CDH23: variants seen among roughly 807,000 people sequenced by gnomAD.
The protein encoded by CDH23 is cadherin-23.
Under a neutral mutation model 317.1 loss-of-function variants are expected in CDH23, and 189 were observed. The observed-to-expected ratio is 0.60, with a 90% confidence interval of 0.53 to 0.67. The LOEUF is 0.67. Among genes scored for constraint, CDH23 ranks in the 30% least tolerant of loss-of-function variants. CDH23 has a pLI of 0.00. For synonymous variants in CDH23, 1,839 were observed against 1,876.8 expected (o/e 0.98, Z 0.52); for missense variants, 4,401 against 4,592.4 (o/e 0.96, Z 1.20).
At chr10:71,550,897 T>A (rs1348460080) in intron 6 of CDH23, among the ~76,000 whole-genome samples, 1 of 152,098 alleles carries the variant, frequency 6.6e-6, no homozygotes, top group Admixed American at 6.6e-5. Flanking sequence ...TGTAGAAAAG[T>A]CTGGAAGATG....
intron 7 of CDH23, among the ~76,000 whole-genome samples, chr10:71,570,009 C>T (rs759815176): frequency 4.6e-5 from 7 of 152,046 alleles, no homozygotes; most frequent in Admixed American, 2.6e-4. Context: ...CAAGTGATTG[C>T]CCCACCTCAG....
At chr10:71,799,927 T>C (rs567690388) in intron 52 of CDH23, among the ~76,000 whole-genome samples, 214 of 152,272 alleles carry the variant, frequency 1.4e-3, no homozygotes, top group Non-Finnish European at 1.6e-3. Context: ...ATGATTGAAG[T>C]CCATGGGGCT....
intron 38 of CDH23, among the ~76,000 whole-genome samples, chr10:71,757,205 A>G (rs758173229): frequency 2.0e-5 from 3 of 152,262 alleles, no homozygotes; most frequent in Non-Finnish European, 4.4e-5. Flanking sequence ...CTGGACGGCT[A>G]GTAAGCAACA....
intron 6 of CDH23, among the ~76,000 whole-genome samples, chr10:71,549,802 T>G (rs1856482192): frequency 6.6e-6 from 1 of 152,212 alleles, no homozygotes. Flanking sequence ...CGGTCTTGAC[T>G]GCAACTTCAA....
intron 31 of CDH23, among the ~76,000 whole-genome samples, chr10:71,731,429 G>A (rs1196042461): frequency 3.3e-5 from 5 of 152,192 alleles, no homozygotes; most frequent in African/African-American, 4.8e-5. Context: ...GGGCACATAC[G>A]CGGCTGTGGC....
chr10:71,639,467 G>A (rs891931472), intron 11 of CDH23, among the ~76,000 whole-genome samples: 5 of 152,188 alleles, frequency 3.3e-5, no homozygotes, highest in Admixed American at 1.3e-4. Flanking sequence ...CTTCTGCCAC[G>A]TGTGGCACAG....
intron 35 of CDH23, 25 bp downstream of exon 35, chr10:71,738,672 G>A (rs1839640084): frequency 3.1e-6 from 5 of 1,608,704 alleles, no homozygotes; most frequent in Non-Finnish European, 4.2e-6. Context: ...GAAACAGCCA[G>A]GATCCACCAT....
At chr10:71,592,857 G>T (rs1859586663) in intron 9 of CDH23, among the ~76,000 whole-genome samples, 2 of 152,114 alleles carry the variant, frequency 1.3e-5, no homozygotes, top group South Asian at 4.1e-4. Context: ...GTCTCACCTG[G>T]GCCATGATGT....
chr10:71,617,419 GCAGACCCACCACCCATC>G (rs746858677), intron 11 of CDH23, 26 bp downstream of exon 11: 7 of 1,608,876 alleles, frequency 4.4e-6, no homozygotes, highest in Admixed American at 1.7e-5. Flanking sequence ...CATGGCCCAT[GCAGACCCACCACCCATC>G]CAGACCCACC....
chr10:71,543,028 G>T (rs1420451126), intron 6 of CDH23, among the ~76,000 whole-genome samples: 3 of 152,260 alleles, frequency 2.0e-5, no homozygotes, highest in African/African-American at 7.2e-5. Flanking sequence ...GGCCAGCGTT[G>T]CAGTGCTCTA....
At position 71,797,199 on chromosome 10, in the gene CDH23, C is replaced by T. The variant is rs755800639; in HGVS notation, c.6808C>T (p.Arg2270Cys). ...TGACAATGCCAGCGACCTACCAGAG[C>T]GCTCTGTCAGTGTGCCAAATGGTAA... ...VIDNASDLPE[R>C]SVSVPNAKLT... Residue 2270 changes from arginine to cysteine, a missense_variant, in exon 49 of 70, where the codon CGC becomes TGC. Around this residue, in one of 3 missense-constraint regions of CDH23, gnomAD observed 3,068 missense variants for 3,203.3 expected, o/e 0.96. Coordinates refer to ENST00000224721, the MANE Select transcript of CDH23 (RefSeq NM_022124.6). 1.9e-5 allele frequency: 31 copies of T among 1,612,452 alleles called. No homozygotes were observed. The highest frequency in any genetic ancestry group is 4.4e-5 in the South Asian group (4 of 90,778).
intron 14 of CDH23, among the ~76,000 whole-genome samples, chr10:71,665,551 G>T (rs1467780067): frequency 6.6e-6 from 1 of 152,238 alleles, no homozygotes; most frequent in Non-Finnish European, 1.5e-5. Context: ...AAGGGTGTGA[G>T]GCTGCAGCCG....
At chr10:71,547,558 T>C (rs910699919) in intron 6 of CDH23, among the ~76,000 whole-genome samples, 1 of 152,154 alleles carries the variant, frequency 6.6e-6, no homozygotes, top group Non-Finnish European at 1.5e-5. Context: ...CGCCCAGATA[T>C]GTATTTCAGG....
At chr10:71,428,537 G>C (rs936423964) in intron 1 of CDH23, among the ~76,000 whole-genome samples, 1 of 151,820 alleles carries the variant, frequency 6.6e-6, no homozygotes, top group Non-Finnish European at 1.5e-5. Context: ...GCTCCCTAAT[G>C]GTAGTGATGG....
intron 8 of CDH23, among the ~76,000 whole-genome samples, chr10:71,574,915 T>C (rs1278639663): frequency 6.6e-6 from 1 of 151,914 alleles, no homozygotes; most frequent in Admixed American, 6.6e-5. Context: ...CACCCCACAC[T>C]GCCCTCCATT....
At chr10:71,465,725 C>A (rs772943627) in intron 3 of CDH23, among the ~76,000 whole-genome samples, 4 of 152,198 alleles carry the variant, frequency 2.6e-5, no homozygotes, top group Non-Finnish European at 5.9e-5. Context: ...AAAAACAACC[C>A]TGTGATTGGA....
chr10:71,808,508 G>A (rs1317779861), intron 60 of CDH23, among the ~76,000 whole-genome samples: 1 of 152,126 alleles, frequency 6.6e-6, no homozygotes, highest in East Asian at 1.9e-4. Flanking sequence ...GTTAGGACTG[G>A]GGCACCAGGA....
Position 71,724,030 on chromosome 10 carries a change from C to T in CDH23, c.3370-15C>T, listed in dbSNP as rs1304889620. The T allele has an allele frequency of 3.0e-5, 46 of 1,554,878 alleles. No homozygotes were observed. Among genetic ancestry groups the T allele is most frequent in the Non-Finnish European group, 3.9e-5 (45 of 1,148,740 alleles). On this transcript the variant is annotated splice_polypyrimidine_tract_variant and intron_variant, in intron 28 of 69. Coordinates refer to ENST00000224721, the MANE Select transcript of CDH23 (RefSeq NM_022124.6). ...GTGGCATTCAAGAAGTAACTCGTGTCTCATTCTTCCTCAGCTGAAAGCCAC... is the reference window on the plus strand; with the variant it reads ...GTGGCATTCAAGAAGTAACTCGTGTTTCATTCTTCCTCAGCTGAAAGCCAC...
chr10:71,619,200 T>A (rs1564691441), intron 11 of CDH23, among the ~76,000 whole-genome samples: 1 of 151,920 alleles, frequency 6.6e-6, no homozygotes, highest in Non-Finnish European at 1.5e-5. Flanking sequence ...CCAGGCATGA[T>A]GGTGTGCACC....
Sources: allele counts gnomAD v4.1 joint callset (sites outside exome capture counted in the v4.1 genomes callset), GRCh38; gene constraint gnomAD v4.1.1; regional missense constraint gnomAD v4.1.1; transcripts MANE v1.5; gene names NCBI Gene and HGNC (gene_info 2026-07-23, HGNC 2026-07-21).